PLEKHA6: variants seen among roughly 807,000 people sequenced by gnomAD.
PLEKHA6 encodes the protein pleckstrin homology domain containing A6.
PLEKHA6 carries 60 observed loss-of-function variants against 116.7 expected under a neutral mutation model. That is an observed-to-expected ratio of 0.51 (90% CI 0.42 to 0.64). The LOEUF (loss-of-function observed/expected upper bound fraction) is 0.64. PLEKHA6 is among the 30% of genes least tolerant of loss of function. PLEKHA6 has a pLI of 0.00. For missense variants in PLEKHA6, 1,338 were observed against 1,422.7 expected (o/e 0.94, Z 0.96); for synonymous variants, 489 against 556.1 (o/e 0.88, Z 1.70).
chr1:204,279,459 A>G (rs533243592), intron 1 of PLEKHA6, among the ~76,000 whole-genome samples: 1 of 152,364 alleles, frequency 6.6e-6, no homozygotes, highest in South Asian at 2.1e-4. Flanking sequence ...AACATTAAAA[A>G]GGGAAACAAG....
intron 1 of PLEKHA6, among the ~76,000 whole-genome samples, chr1:204,302,927 A>G (rs1670959197): frequency 6.6e-6 from 1 of 151,914 alleles, no homozygotes. Context: ...TGTCACCATC[A>G]TTCATCTGCC....
intron 1 of PLEKHA6, among the ~76,000 whole-genome samples, chr1:204,322,421 A>T (rs1008236211): frequency 6.6e-6 from 1 of 152,212 alleles, no homozygotes; most frequent in Non-Finnish European, 1.5e-5. Flanking sequence ...CCACCGCAAC[A>T]GAAGTTCTCA....
intron 1 of PLEKHA6, chr1:204,282,730 C>T: frequency 5.1e-6 from 5 of 985,344 alleles, no homozygotes; most frequent in Non-Finnish European, 6.0e-6. Context: ...TTCTCCTTCA[C>T]CCTGACCCAA....
intron 5 of PLEKHA6, among the ~76,000 whole-genome samples, chr1:204,266,505 C>T (rs1309971418): frequency 6.6e-6 from 1 of 152,166 alleles, no homozygotes; most frequent in Non-Finnish European, 1.5e-5. Context: ...TTCAGCACCT[C>T]GGTCCTGGGC....
chr1:204,291,580 C>T (rs1669758358), intron 1 of PLEKHA6, among the ~76,000 whole-genome samples: 1 of 152,142 alleles, frequency 6.6e-6, no homozygotes, highest in Non-Finnish European at 1.5e-5. Context: ...CAACAGAGTA[C>T]TACTCAGCAA....
At chr1:204,353,632 T>C (rs1179122750) in intron 1 of PLEKHA6, among the ~76,000 whole-genome samples, 5 of 152,326 alleles carry the variant, frequency 3.3e-5, no homozygotes, top group Non-Finnish European at 7.4e-5. Flanking sequence ...CGCATTGCTT[T>C]ATATTCACAC....
intron 6 of PLEKHA6, among the ~76,000 whole-genome samples, 193 bp downstream of exon 6, chr1:204,264,749 C>G (rs1666565218): frequency 6.6e-6 from 1 of 152,228 alleles, no homozygotes; most frequent in Non-Finnish European, 1.5e-5. Flanking sequence ...TAGCCTTGCT[C>G]TAGCCTTACA....
At chr1:204,272,597 C>T (rs12023063) in intron 3 of PLEKHA6, among the ~76,000 whole-genome samples, 33,375 of 151,942 alleles carry the variant, frequency 0.22, 3,879 homozygotes, top group East Asian at 0.28. Flanking sequence ...ACAAGACAAC[C>T]GGAGCTAAAA....
intron 15 of PLEKHA6, among the ~76,000 whole-genome samples, chr1:204,244,306 ATT>A (rs5780220): frequency 3.4e-3 from 485 of 141,248 alleles, no homozygotes; most frequent in African/African-American, 4.3e-3. Flanking sequence ...TAATTTTTGT[ATT>A]TTTTTTTTTT....
Position 204,260,073 on chromosome 1 carries a change from C to T in PLEKHA6, c.525-333G>A, listed in dbSNP as rs570494376. Among the ~76,000 whole-genome samples the T allele has an allele frequency of 3.9e-5, 6 of 152,302 alleles. No homozygotes were observed. In the South Asian group the frequency reaches 6.2e-4, roughly 16 times the overall value. ...TCAAGCTATGGCATGACTAACCTCA[C>T]CTAGTCTTGGTCCTCTCTGCGATCT... On this transcript the variant is annotated intron_variant, in intron 7 of 22. Transcript: ENST00000272203.
chr1:204,271,910 T>C, intron 3 of PLEKHA6, among the ~76,000 whole-genome samples: 1 of 152,302 alleles, frequency 6.6e-6, no homozygotes, highest in Non-Finnish European at 1.5e-5. Context: ...TTTTTTATTA[T>C]TATTATACTT....
At position 204,283,574 on chromosome 1, in the gene PLEKHA6, G is replaced by A. The variant is rs142055736; in HGVS notation, c.-94-8765C>T. 1.2e-3 allele frequency among the ~76,000 whole-genome samples: 182 copies of A among 152,310 alleles called. 1 individual carries two copies. The highest frequency in any genetic ancestry group is 2.5e-3 in the Admixed American group (38 of 15,296). On this transcript the variant is annotated intron_variant, in intron 1 of 22. Coordinates refer to ENST00000272203, the MANE Select transcript of PLEKHA6 (RefSeq NM_014935.5). ...GTGCATTGTCCCAGCTATAGTGACA[G>A]GAGAGGTCAGAAAAATTTGAGTCTT... is the stretch of plus-strand genomic sequence containing the variant.
At chr1:204,285,107 G>T (rs768281934) in intron 1 of PLEKHA6, among the ~76,000 whole-genome samples, 1 of 152,198 alleles carries the variant, frequency 6.6e-6, no homozygotes, top group Non-Finnish European at 1.5e-5. Flanking sequence ...GTAGCTAGTG[G>T]TTACCATACG....
At position 204,259,212 on chromosome 1, in the gene PLEKHA6, G is replaced by A; in HGVS notation, c.1007+46C>T. The A allele has an allele frequency of 6.3e-7, 1 of 1,592,236 alleles. No individual in the cohort carries two copies. The highest frequency in any genetic ancestry group is 1.1e-5 in the South Asian group (1 of 87,766). On this transcript the variant is annotated intron_variant, in intron 8 of 22. Transcript: ENST00000272203. The surrounding 1 kb of genome is among the most constrained non-coding windows in gnomAD (Gnocchi z 4.6). ...GCTATGACCCCACTCGCACGCTCTA[G>A]CCATAATACCATATCAGCCCCACCC...
rs201424984 is a variant in PLEKHA6, at chr1:204,245,628, G to A, written c.2019C>T (p.Thr673=). 59 of 1,608,450 alleles carry A rather than the reference G, an allele frequency of 3.7e-5. 1 individual carries two copies. In the East Asian group the frequency reaches 5.1e-4, roughly 14 times the overall value. Residue 673 remains threonine (T), a synonymous_variant, in exon 14 of 23, where the codon ACC becomes ACT. Coordinates refer to ENST00000272203, the MANE Select transcript of PLEKHA6 (RefSeq NM_014935.5). ...GGAGGCACCCACCTCTGTGCTTGGC[G>A]GTGTCCGTGCCCCGGGAGGGGTTGT... ...RKNNPSRGTD[T]AKHRGGLGPS... is the part of the protein sequence containing the mutation.
At chr1:204,307,754 C>G (rs1671446144) in intron 1 of PLEKHA6, 1 of 457,978 alleles carries the variant, frequency 2.2e-6, no homozygotes, top group Admixed American at 6.4e-5. Context: ...AAACCCTAAG[C>G]TGAGCTAGCC....
At chr1:204,347,044 A>G in intron 1 of PLEKHA6, 1 of 1,440,292 alleles carries the variant, frequency 6.9e-7, no homozygotes, top group East Asian at 2.3e-5. Flanking sequence ...AACAATGCCA[A>G]CAGCATGCTG....
rs534520597 is a variant in PLEKHA6 at position 204,223,732 on chromosome 1, A to G, written c.3032-147T>C. 5.2e-4 allele frequency: 321 copies of G among 611,700 alleles called. 4 individuals are homozygous for G. In the South Asian group the frequency reaches 6.1e-3, roughly 12 times the overall value. The allele number at this position is 611,700 out of a possible 1,614,324, so 37.9% of individuals were successfully genotyped here. A position where few individuals can be genotyped will look rare whatever the true frequency, so the allele number is the denominator to read the frequency against. ...ACTGAGCTTGGAGCTTGCTCAAGCT[A>G]GGCCAAGCTGTCCTCATTCCCAGGG... On this transcript the variant is annotated intron_variant, in intron 21 of 22. Transcript: ENST00000272203. The surrounding 1 kb of genome is among the most constrained non-coding windows in gnomAD (Gnocchi z 4.8).
intron 1 of PLEKHA6, chr1:204,347,381 T>C: frequency 1.7e-6 from 1 of 593,800 alleles, no homozygotes; most frequent in Non-Finnish European, 3.0e-6. Flanking sequence ...TGATCTCTCT[T>C]GTTCCCTAAA....
Sources: allele counts gnomAD v4.1 joint callset (sites outside exome capture counted in the v4.1 genomes callset), GRCh38; gene constraint gnomAD v4.1.1; non-coding constraint Gnocchi (gnomAD v3.1); transcripts MANE v1.5; gene names NCBI Gene and HGNC (gene_info 2026-07-23, HGNC 2026-07-21).